Variants in VPS54 observed in about 807,000 individuals in gnomAD.
VPS54 encodes the protein VPS54 subunit of GARP complex.
Under a neutral mutation model 121.5 loss-of-function variants are expected in VPS54, and 45 were observed. That is an observed-to-expected ratio of 0.37 (90% CI 0.29 to 0.47). The LOEUF is 0.47. VPS54 is among the 20% of genes least tolerant of loss of function. The probability of loss-of-function intolerance (pLI) is 0.99; values close to 1 mark genes in which losing one functional copy is unlikely to be tolerated. For missense variants in VPS54, 1,090 were observed against 1,131.4 expected (o/e 0.96, Z 0.52); for synonymous variants, 371 against 385.8 (o/e 0.96, Z 0.45).
chr2:63,984,307 T>C (rs1559039573), intron 1 of VPS54, among the ~76,000 whole-genome samples: 1 of 152,238 alleles, frequency 6.6e-6, no homozygotes, highest in Non-Finnish European at 1.5e-5. Context: ...ACTCTATTCA[T>C]TCAGCAAGTA....
At chr2:63,950,803 G>A (rs1017535302) in intron 7 of VPS54, among the ~76,000 whole-genome samples, 1 of 151,932 alleles carries the variant, frequency 6.6e-6, no homozygotes, top group Non-Finnish European at 1.5e-5. Flanking sequence ...CCCCAGAGTA[G>A]GGCACTTTTG....
chr2:63,912,358 T>C lies in VPS54; in HGVS notation c.2612A>G (p.Lys871Arg). The change falls in exon 20 of 23, where the codon AAG (lysine) becomes AGG (arginine). Residue 871 changes from lysine (K) to arginine (R), a missense_variant. Physicochemically the swap from Lys to Arg is conservative, Grantham distance 26. Around this residue, in one of 2 missense-constraint regions of VPS54, gnomAD observed 289 missense variants for 374.4 expected, o/e 0.77. Coordinates refer to ENST00000272322, the MANE Select transcript of VPS54 (RefSeq NM_016516.3). The stretch of plus-strand genomic sequence containing the variant: ...ATAAATCATTACCTTAGATAACAGC[T>C]TGTCAAATAAGCTATCCATTATCGC... ...LVAIMDSLFD[K>R]LLSKYEVKAP... 2 of 1,609,450 alleles carry C rather than the reference T, an allele frequency of 1.2e-6. No individual in the cohort carries two copies. The highest frequency in any genetic ancestry group is 1.7e-6 in the Non-Finnish European group (2 of 1,177,538).
chr2:63,920,358 G>A (rs1246410690), intron 14 of VPS54, 88 bp downstream of exon 14: 13 of 1,237,426 alleles, frequency 1.1e-5, no homozygotes, highest in Non-Finnish European at 1.3e-5. Context: ...ATTTTCACTG[G>A]CCAATTAGGT....
At chr2:63,998,255 T>C (rs771696824) in intron 1 of VPS54, among the ~76,000 whole-genome samples, 3 of 152,250 alleles carry the variant, frequency 2.0e-5, no homozygotes, top group Non-Finnish European at 2.9e-5. Context: ...TGATAACTAC[T>C]AGAGAATATC....
intron 1 of VPS54, among the ~76,000 whole-genome samples, chr2:64,002,412 C>A (rs770281521): frequency 1.6e-4 from 24 of 152,150 alleles, no homozygotes; most frequent in Non-Finnish European, 2.6e-4. Context: ...TCTAGTCCAC[C>A]ATCTTGCTCT....
At chr2:63,977,952 C>T (rs560823754) in intron 3 of VPS54, among the ~76,000 whole-genome samples, 1 of 152,296 alleles carries the variant, frequency 6.6e-6, no homozygotes, top group Admixed American at 6.5e-5. Flanking sequence ...TTCAGGTTTC[C>T]CTGCAGACCT....
intron 4 of VPS54, 26 bp from the exon 5 acceptor site, chr2:63,969,017 AT>A: frequency 6.4e-7 from 1 of 1,573,984 alleles, no homozygotes; most frequent in Non-Finnish European, 8.7e-7. Context: ...GGGAAATATT[AT>A]TTTTAAAACT....
chr2:64,007,072 G>C (rs1459209493), intron 1 of VPS54, among the ~76,000 whole-genome samples: 1 of 152,156 alleles, frequency 6.6e-6, no homozygotes, highest in Admixed American at 6.5e-5. Flanking sequence ...AGAGGTGGTG[G>C]GTAGGAGAAA....
At chr2:63,910,916 T>A (rs1673122368) in intron 20 of VPS54, among the ~76,000 whole-genome samples, 1 of 152,198 alleles carries the variant, frequency 6.6e-6, no homozygotes, top group African/African-American at 2.4e-5. Context: ...TATTTTTGTT[T>A]GTTTGTTTTA....
intron 1 of VPS54, among the ~76,000 whole-genome samples, chr2:63,996,361 T>C (rs186540904): frequency 2.4e-3 from 362 of 152,370 alleles, no homozygotes; most frequent in African/African-American, 8.2e-3. Flanking sequence ...GTCTTTACTT[T>C]AATCTCTTAA....
intron 12 of VPS54, among the ~76,000 whole-genome samples, chr2:63,921,831 G>A (rs1437479540): frequency 6.6e-6 from 1 of 152,190 alleles, no homozygotes; most frequent in Non-Finnish European, 1.5e-5. Context: ...ATTCTCCACT[G>A]TAGTATTTTC....
At chr2:63,983,691 C>G (rs555269852) in intron 2 of VPS54, among the ~76,000 whole-genome samples, 173 bp downstream of exon 2, 7 of 152,202 alleles carry the variant, frequency 4.6e-5, no homozygotes, top group Non-Finnish European at 8.8e-5. Flanking sequence ...AACCGCCCAC[C>G]TCAGCCTCCC....
intron 16 of VPS54, among the ~76,000 whole-genome samples, chr2:63,916,301 T>G (rs1673376015): frequency 6.6e-6 from 1 of 152,100 alleles, no homozygotes; most frequent in Admixed American, 6.6e-5. Context: ...GACATAGTAC[T>G]AGACAAAAAA....
intron 4 of VPS54, among the ~76,000 whole-genome samples, chr2:63,970,208 TATATACACAC>T (rs1252849261): frequency 1.0e-5 from 1 of 97,672 alleles, no homozygotes; most frequent in Non-Finnish European, 1.9e-5. Context: ...AAAAAATATA[TATATACACAC>T]ACACACACAC....
chr2:63,979,740 T>C (rs531397462), intron 3 of VPS54, among the ~76,000 whole-genome samples: 3 of 152,376 alleles, frequency 2.0e-5, no homozygotes, highest in African/African-American at 7.2e-5. Context: ...ACTCACATTT[T>C]ATTTAGAAGC....
chr2:63,988,760 C>T (rs1172130657), intron 1 of VPS54, among the ~76,000 whole-genome samples: 6 of 151,808 alleles, frequency 4.0e-5, no homozygotes, highest in East Asian at 1.9e-4. Context: ...ACAGACTGTT[C>T]GTAAAGCATG....
chr2:63,907,058 T>C (rs894661571), intron 20 of VPS54, among the ~76,000 whole-genome samples: 10 of 152,282 alleles, frequency 6.6e-5, no homozygotes, highest in African/African-American at 1.4e-4. Context: ...GGAGAAATGA[T>C]AGTCTTTTTA....
At chr2:63,964,384 C>T (rs969951698) in intron 6 of VPS54, among the ~76,000 whole-genome samples, 2 of 152,150 alleles carry the variant, frequency 1.3e-5, no homozygotes, top group African/African-American at 4.8e-5. Flanking sequence ...TTATAGTTTA[C>T]TTCCTATTAA....
intron 3 of VPS54, among the ~76,000 whole-genome samples, chr2:63,974,348 T>C (rs558754963): frequency 2.6e-5 from 4 of 152,358 alleles, no homozygotes; most frequent in Admixed American, 6.5e-5. Context: ...TTGATTACTG[T>C]AGCTTTATAG....
Sources: gnomAD v4.1 joint callset for allele counts (sites outside exome capture counted in the v4.1 genomes callset) on GRCh38, gnomAD v4.1.1 for gene constraint, gnomAD v4.1.1 regional missense constraint, MANE v1.5 for transcripts, NCBI Gene and HGNC (gene_info 2026-07-23, HGNC 2026-07-21) for gene names.